The following RBFOX1 variants were observed in gnomAD, a reference collection of about 807,000 sequenced individuals.
RBFOX1 encodes RNA binding protein fox-1 homolog 1.
RBFOX1 carries 8 observed loss-of-function variants against 57.7 expected under a neutral mutation model. The ratio of observed to expected loss-of-function variants is 0.14; its 90% CI spans 0.08 to 0.25. The LOEUF (loss-of-function observed/expected upper bound fraction) is 0.25, where lower values mean the gene tolerates loss of function less well. RBFOX1 is among the 10% of genes least tolerant of loss of function. RBFOX1 has a pLI of 1.00. For missense variants in RBFOX1, 611 were observed against 548.5 expected, an observed-to-expected ratio of 1.11 and a Z score of -1.14; for synonymous variants, 326 against 222.4, an observed-to-expected ratio of 1.47 and a Z score of -4.15.
intron 3 of RBFOX1, among the ~76,000 whole-genome samples, chr16:5,722,354 A>G (rs2051967095): frequency 6.6e-6 from 1 of 152,216 alleles, no homozygotes; most frequent in South Asian, 2.1e-4. Context: ...TTGCTGGTAT[A>G]GACTTGGCAA....
intron 3 of RBFOX1, among the ~76,000 whole-genome samples, chr16:6,845,217 A>G (rs1350490482): frequency 6.6e-6 from 1 of 150,954 alleles, no homozygotes; most frequent in African/African-American, 2.4e-5. Context: ...TTTTGCAGCA[A>G]TTGCTTTTGG....
intron 2 of RBFOX1, among the ~76,000 whole-genome samples, chr16:5,556,303 C>T (rs181062365): frequency 2.0e-5 from 3 of 152,224 alleles, no homozygotes; most frequent in African/African-American, 2.4e-5. Context: ...TCAGTGTAAA[C>T]GGTGGTATTC....
chr16:6,564,402 G>A (rs1227110219), intron 2 of RBFOX1, among the ~76,000 whole-genome samples: 1 of 152,186 alleles, frequency 6.6e-6, no homozygotes, highest in Non-Finnish European at 1.5e-5. Flanking sequence ...AGAGCTTGCA[G>A]TGAGCCGAGA....
chr16:7,427,681 G>A (rs1472550450), intron 4 of RBFOX1, among the ~76,000 whole-genome samples: 2 of 148,376 alleles, frequency 1.3e-5, no homozygotes, highest in African/African-American at 2.5e-5. Context: ...GTCTCTCTCT[G>A]TTTCCCAGGC....
At chr16:7,229,421 A>G (rs957492273) in intron 4 of RBFOX1, among the ~76,000 whole-genome samples, 11 of 152,140 alleles carry the variant, frequency 7.2e-5, no homozygotes, top group Admixed American at 5.2e-4. Flanking sequence ...GCCTAGTCAC[A>G]TCTTCCTGTC....
intron 3 of RBFOX1, among the ~76,000 whole-genome samples, chr16:5,833,277 A>G (rs1251227241): frequency 1.3e-5 from 2 of 152,098 alleles, no homozygotes; most frequent in South Asian, 4.1e-4. Context: ...GTGGATCATG[A>G]GGTCAGGAGA....
chr16:6,725,444 A>G (rs914425047), intron 3 of RBFOX1, among the ~76,000 whole-genome samples: 16 of 152,128 alleles, frequency 1.1e-4, no homozygotes, highest in East Asian at 1.9e-4. Context: ...GTGACTCACA[A>G]TCCCCAACCT....
At chr16:6,707,626 T>C (rs1349407915) in intron 3 of RBFOX1, among the ~76,000 whole-genome samples, 1 of 152,108 alleles carries the variant, frequency 6.6e-6, no homozygotes, top group Non-Finnish European at 1.5e-5. Context: ...CTGGATCTCC[T>C]TGGATGAACT....
rs536853660 is a variant in RBFOX1, at chr16:5,749,345, T to A, written c.319-117958T>A. Among the ~76,000 whole-genome samples, 25 of 152,324 alleles carry A rather than the reference T, an allele frequency of 1.6e-4. No homozygotes were observed. The South Asian group carries it at 5.2e-3, about 32-fold the overall frequency. ...GGTGAATCTGACAATTTATTTGTCT[T>A]GGAGTTGCTCTTCTCGAGGAGTATC... On this transcript the variant is annotated intron_variant, in intron 3 of 19. Transcript: ENST00000641259.
At position 6,883,179 on chromosome 16, in the gene RBFOX1, A is replaced by G. The variant is rs574504039; in HGVS notation, c.-15-168878A>G. Among the ~76,000 whole-genome samples the G allele has an allele frequency of 1.2e-4, 18 of 152,302 alleles. No homozygotes were observed. In the South Asian group the frequency reaches 2.9e-3, roughly 25 times the overall value. Reference sequence around the variant, plus strand: ...GCCATTTATATTAAAGATACGTTTAATGTTCTGAACCTAAGCAATAGAAAG... The same window carrying G: ...GCCATTTATATTAAAGATACGTTTAGTGTTCTGAACCTAAGCAATAGAAAG... On this transcript the variant is annotated intron_variant, in intron 3 of 15. Coordinates refer to ENST00000550418, the MANE Select transcript of RBFOX1 (RefSeq NM_018723.4).
intron 1 of RBFOX1, among the ~76,000 whole-genome samples, chr16:6,199,308 T>G (rs1305844584): frequency 6.6e-6 from 1 of 152,206 alleles, no homozygotes; most frequent in Non-Finnish European, 1.5e-5. Context: ...GCTACATGGT[T>G]AAATGCATGA....
chr16:7,539,412 C>A lies in RBFOX1; in HGVS notation c.270+21023C>A, dbSNP rs147453631. On this transcript the variant is annotated intron_variant, in intron 5 of 15. Coordinates refer to ENST00000550418, the MANE Select transcript of RBFOX1 (RefSeq NM_018723.4). ...TATTCCCAGTGCAGCTTCCTCACCA[C>A]TCCCCAACCAAATAGGAGTCTCTTC... Among the ~76,000 whole-genome samples the A allele has an allele frequency of 3.1e-3, 477 of 152,256 alleles. 4 individuals carry two copies. Among genetic ancestry groups the A allele is most frequent in the African/African-American group, 0.011 (444 of 41,554 alleles).
At chr16:7,632,675 G>C (rs1033519929) in intron 11 of RBFOX1, among the ~76,000 whole-genome samples, 1 of 152,078 alleles carries the variant, frequency 6.6e-6, no homozygotes, top group Non-Finnish European at 1.5e-5. Context: ...CATAGGGCTG[G>C]GTCCTAGAGT....
In RBFOX1 at chr16:7,384,355, T is replaced by C. The variant is rs575122894; in HGVS notation, c.28-133792T>C. On this transcript the variant is annotated intron_variant, in intron 4 of 15. Coordinates refer to ENST00000550418, the MANE Select transcript of RBFOX1 (RefSeq NM_018723.4). ...ATTTCAATATGAAAAACGAGGAATA[T>C]ATAGCTCAGGTGCAACAGGCACCTT... Among the ~76,000 whole-genome samples the C allele has an allele frequency of 9.0e-4, 137 of 152,250 alleles. 2 individuals carry two copies. Among genetic ancestry groups the C allele is most frequent in the African/African-American group, 3.2e-3 (135 of 41,562 alleles).
intron 4 of RBFOX1, among the ~76,000 whole-genome samples, chr16:7,081,330 C>T (rs527778313): frequency 2.6e-5 from 4 of 152,300 alleles, no homozygotes; most frequent in Admixed American, 6.5e-5. Flanking sequence ...CCACCACGCC[C>T]GGCCCACACT....
chr16:6,736,755 A>G (rs566070630), intron 3 of RBFOX1, among the ~76,000 whole-genome samples: 2 of 152,350 alleles, frequency 1.3e-5, no homozygotes, highest in South Asian at 4.1e-4. Context: ...CCAGTTTAGA[A>G]GGACAGGTTG....
intron 5 of RBFOX1, among the ~76,000 whole-genome samples, chr16:7,521,692 A>G (rs533972375): frequency 1.9e-3 from 289 of 152,354 alleles, no homozygotes; most frequent in Non-Finnish European, 3.0e-3. Flanking sequence ...ATAGATTTTC[A>G]CAGGTTTTAT....
At chr16:7,216,060 T>G (rs577788131) in intron 4 of RBFOX1, among the ~76,000 whole-genome samples, 1 of 152,260 alleles carries the variant, frequency 6.6e-6, no homozygotes, top group African/African-American at 2.4e-5. Flanking sequence ...CAGTATTTGT[T>G]CTTTTGTATT....
At chr16:7,190,262 G>A (rs144700847) in intron 4 of RBFOX1, among the ~76,000 whole-genome samples, 59 of 152,252 alleles carry the variant, frequency 3.9e-4, no homozygotes, top group African/African-American at 1.4e-3. Context: ...GGGAGGCTGA[G>A]GCAGGAGAAT....
Sources: allele counts gnomAD v4.1 joint callset (sites outside exome capture counted in the v4.1 genomes callset), GRCh38; gene constraint gnomAD v4.1.1; transcripts MANE v1.5; gene names NCBI Gene and HGNC (gene_info 2026-07-23, HGNC 2026-07-21).